ANTXR1: variants seen among roughly 807,000 people sequenced by gnomAD.
ANTXR1 encodes the protein ANTXR cell adhesion molecule 1.
A neutral mutation model predicts 78.1 loss-of-function variants in ANTXR1; 19 were observed. That is an observed-to-expected ratio of 0.24 (90% confidence interval 0.17 to 0.36). ANTXR1 has a LOEUF of 0.36. ANTXR1 is among the 10% of genes least tolerant of loss of function. The pLI is 1.00. For synonymous variants in ANTXR1, 273 were observed against 260.5 expected (o/e 1.05, Z -0.46); for missense variants, 518 against 718.6 (o/e 0.72, Z 3.19).
intron 13 of ANTXR1, among the ~76,000 whole-genome samples, chr2:69,158,880 C>T (rs78415184): frequency 5.4e-4 from 82 of 152,262 alleles, no homozygotes; most frequent in African/African-American, 1.8e-3. Context: ...CATCATACAT[C>T]GAGGAGAATC....
rs575444667 is a variant in ANTXR1, at chr2:69,142,264, C to G, written c.952-9905C>G. On this transcript the variant is annotated intron_variant, in intron 12 of 17. Transcript: ENST00000303714. ...CAACGCCATTCCTGCTACCCACTAA[C>G]TATAGGCGGCATCAGCCTGCTAAAT... 7.9e-5 allele frequency among the ~76,000 whole-genome samples: 12 copies of G among 152,346 alleles called. No homozygotes were observed. In the South Asian group the frequency reaches 2.3e-3, roughly 29 times the overall value.
intron 13 of ANTXR1, among the ~76,000 whole-genome samples, chr2:69,166,441 C>T (rs1187631585): frequency 1.3e-5 from 2 of 152,136 alleles, no homozygotes; most frequent in African/African-American, 4.8e-5. Flanking sequence ...CCCTTTACCT[C>T]ACCAGCCCAT....
chr2:69,090,204 G>A (rs1671183885), intron 8 of ANTXR1, among the ~76,000 whole-genome samples: 1 of 151,608 alleles, frequency 6.6e-6, no homozygotes, highest in Non-Finnish European at 1.5e-5. Flanking sequence ...CAGCTTCTGT[G>A]GAGAGTTGAC....
intron 17 of ANTXR1, among the ~76,000 whole-genome samples, chr2:69,215,102 AG>A: frequency 6.6e-6 from 1 of 152,292 alleles, no homozygotes; most frequent in African/African-American, 2.4e-5. Context: ...CCTGCTGCAC[AG>A]GCTGCCTCCA....
At chr2:69,177,680 C>T (rs1674160286) in intron 14 of ANTXR1, among the ~76,000 whole-genome samples, 1 of 152,228 alleles carries the variant, frequency 6.6e-6, no homozygotes, top group Non-Finnish European at 1.5e-5. Context: ...GTTATCTCAT[C>T]TTCTCGGTTT....
At chr2:69,092,605 A>G (rs1349647661) in intron 9 of ANTXR1, among the ~76,000 whole-genome samples, 1 of 152,240 alleles carries the variant, frequency 6.6e-6, no homozygotes, top group Non-Finnish European at 1.5e-5. Context: ...TTGCTACCTG[A>G]CCACACAGAT....
At chr2:69,128,474 C>T (rs1224308415) in intron 12 of ANTXR1, among the ~76,000 whole-genome samples, 1 of 152,044 alleles carries the variant, frequency 6.6e-6, no homozygotes, top group Non-Finnish European at 1.5e-5. Context: ...AATTCAGAGT[C>T]TCATTATAAC....
intron 14 of ANTXR1, among the ~76,000 whole-genome samples, chr2:69,176,094 TACAC>T (rs149847661): frequency 1.4e-5 from 2 of 145,570 alleles, no homozygotes; most frequent in African/African-American, 5.1e-5. Flanking sequence ...CACACACACA[TACAC>T]ACACACACAC....
chr2:69,072,094 T>C (rs1402097656), intron 5 of ANTXR1, among the ~76,000 whole-genome samples: 2 of 152,212 alleles, frequency 1.3e-5, no homozygotes, highest in African/African-American at 4.8e-5. Flanking sequence ...CTTGCATAGG[T>C]TAGTAAAGTC....
At chr2:69,154,544 T>C (rs1364627618) in intron 13 of ANTXR1, among the ~76,000 whole-genome samples, 1 of 152,088 alleles carries the variant, frequency 6.6e-6, no homozygotes, top group Admixed American at 6.5e-5. Flanking sequence ...GGGAAGTTTC[T>C]CTCCCGAGAT....
intron 1 of ANTXR1, among the ~76,000 whole-genome samples, chr2:69,023,477 ATGATGG>A (rs1447795628): frequency 2.1e-5 from 3 of 145,410 alleles, no homozygotes; most frequent in African/African-American, 8.3e-5. Context: ...GGTGGTAGTG[ATGATGG>A]TGATGGTGAT....
At chr2:69,201,875 G>A (rs1015086123) in intron 17 of ANTXR1, among the ~76,000 whole-genome samples, 2 of 152,176 alleles carry the variant, frequency 1.3e-5, no homozygotes, top group African/African-American at 4.8e-5. Context: ...CCTGCAGCAG[G>A]TCAGGACCAG....
intron 1 of ANTXR1, among the ~76,000 whole-genome samples, chr2:69,039,414 G>C (rs180687691): frequency 1.3e-5 from 2 of 152,030 alleles, no homozygotes; most frequent in African/African-American, 4.8e-5. Flanking sequence ...TTCCTTTTTC[G>C]TATAACAAAA....
chr2:69,103,305 T>C (rs1671688904), intron 10 of ANTXR1: 1 of 361,196 alleles, frequency 2.8e-6, no homozygotes, highest in Admixed American at 3.9e-5. Context: ...CAGGTGGGAG[T>C]GCTGGTGATG....
rs966255530 is a variant in ANTXR1 at position 69,166,699 on chromosome 2, T to C, written c.1048-3549T>C. 2.6e-5 allele frequency among the ~76,000 whole-genome samples: 4 copies of C among 152,358 alleles called. No homozygotes were observed. The South Asian group carries it at 8.3e-4, about 32-fold the overall frequency. ...CGACCCTTCAACCCTATCCATCTTC[T>C]TTGTCCCTCCTAATGAGGAAGGCGC... is the stretch of plus-strand genomic sequence containing the variant. On this transcript the variant is annotated intron_variant, in intron 13 of 17. Coordinates refer to ENST00000303714, the MANE Select transcript of ANTXR1 (RefSeq NM_032208.3).
chr2:69,066,914 C>T (rs1436735957), intron 3 of ANTXR1, among the ~76,000 whole-genome samples: 1 of 152,196 alleles, frequency 6.6e-6, no homozygotes, highest in Non-Finnish European at 1.5e-5. Context: ...TTCCCTGCCT[C>T]TTTCATTTCC....
chr2:69,149,485 G>T (rs1355566166), intron 12 of ANTXR1, among the ~76,000 whole-genome samples: 1 of 152,188 alleles, frequency 6.6e-6, no homozygotes, highest in African/African-American at 2.4e-5. Context: ...CAGCCCTTCT[G>T]CTTTAGTTCA....
chr2:69,018,645 A>T (rs1272760026), intron 1 of ANTXR1, among the ~76,000 whole-genome samples: 4 of 152,186 alleles, frequency 2.6e-5, no homozygotes, highest in Non-Finnish European at 4.4e-5. Flanking sequence ...TAATTTGAAG[A>T]TAAGAAAACC....
intron 1 of ANTXR1, among the ~76,000 whole-genome samples, chr2:69,025,922 CAAAAG>C (rs1295180697): frequency 6.6e-6 from 1 of 152,136 alleles, no homozygotes; most frequent in African/African-American, 2.4e-5. Context: ...AAGACAATAT[CAAAAG>C]GAAAGGGGAT....
Sources: gnomAD v4.1 joint callset for allele counts (sites outside exome capture counted in the v4.1 genomes callset) on GRCh38, gnomAD v4.1.1 for gene constraint, MANE v1.5 for transcripts, NCBI Gene and HGNC (gene_info 2026-07-23, HGNC 2026-07-21) for gene names.